CTDSPL: variants seen among roughly 807,000 people sequenced by gnomAD.
CTDSPL encodes the protein CTD small phosphatase like.
CTDSPL carries 8 observed loss-of-function variants against 30.5 expected under a neutral mutation model. That is an observed-to-expected ratio of 0.26 (90% CI 0.15 to 0.47). The LOEUF (loss-of-function observed/expected upper bound fraction) is 0.47, where lower values mean the gene tolerates loss of function less well. CTDSPL is among the 20% of genes least tolerant of loss of function. The pLI is 0.99. For missense variants in CTDSPL, 248 were observed against 366.1 expected (o/e 0.68, Z 2.63); for synonymous variants, 110 against 137.9 (o/e 0.80, Z 1.42).
intron 1 of CTDSPL, among the ~76,000 whole-genome samples, chr3:37,898,498 G>A (rs1176216085): frequency 1.3e-5 from 2 of 152,118 alleles, no homozygotes; most frequent in East Asian, 3.9e-4. Context: ...GTTTAACCTA[G>A]CAATAGTAAT....
intron 5 of CTDSPL, 98 bp downstream of exon 5, chr3:37,967,980 T>G: frequency 1.2e-6 from 1 of 834,844 alleles, no homozygotes; most frequent in East Asian, 2.6e-5. Flanking sequence ...AGTAATAACT[T>G]TATTACGGAA....
chr3:37,914,873 CTTTTTTTTT>C (rs11304152), intron 1 of CTDSPL, among the ~76,000 whole-genome samples: 1 of 51,284 alleles, frequency 1.9e-5, no homozygotes, highest in Admixed American at 3.0e-4. Flanking sequence ...TATATATGTT[CTTTTTTTTT>C]TTTTTTTTTT....
intron 1 of CTDSPL, among the ~76,000 whole-genome samples, chr3:37,877,528 T>C (rs557055795): frequency 6.6e-6 from 1 of 152,242 alleles, no homozygotes; most frequent in Non-Finnish European, 1.5e-5. Context: ...CACTTCCATG[T>C]TTTCGTGATT....
rs1697942614 is a variant in CTDSPL, at chr3:37,861,888, C to T, written c.-312C>T. On this transcript the variant is annotated 5_prime_UTR_variant, in exon 1 of 8. Transcript: ENST00000273179. ...TCCCGCCCTCGCTCGCTCCTTCCCC[C>T]TCGCCCGCCCGCTCCCGCTTCCAGC... 7.2e-6 allele frequency: 1 copy of T among 139,376 alleles called. No individual in the cohort carries two copies. The highest frequency in any genetic ancestry group is 1.6e-5 in the Non-Finnish European group (1 of 63,296). The allele number at this position is 139,376 out of a possible 1,614,324, so 8.6% of individuals were successfully genotyped here.
chr3:37,935,405 C>T (rs1260340378), intron 1 of CTDSPL, among the ~76,000 whole-genome samples: 2 of 152,002 alleles, frequency 1.3e-5, no homozygotes, highest in African/African-American at 4.8e-5. Flanking sequence ...CTCTTAAGTG[C>T]ATTATCTGTT....
At chr3:37,874,137 C>T (rs1356248645) in intron 1 of CTDSPL, among the ~76,000 whole-genome samples, 2 of 152,144 alleles carry the variant, frequency 1.3e-5, no homozygotes, top group African/African-American at 4.8e-5. Context: ...GAAGAGTTTG[C>T]TTCCAGTCTG....
chr3:37,919,968 TC>T (rs1698694669), intron 1 of CTDSPL, among the ~76,000 whole-genome samples: 2 of 152,178 alleles, frequency 1.3e-5, no homozygotes, highest in Non-Finnish European at 2.9e-5. Flanking sequence ...CTTCTCTTAG[TC>T]TCTGATGGGG....
At chr3:37,973,181 A>G (rs1699386336) in intron 6 of CTDSPL, among the ~76,000 whole-genome samples, 1 of 152,242 alleles carries the variant, frequency 6.6e-6, no homozygotes, top group Non-Finnish European at 1.5e-5. Flanking sequence ...GGGAAAATAG[A>G]GTCTTCCCCA....
chr3:37,935,796 A>G (rs1698908067), intron 1 of CTDSPL, among the ~76,000 whole-genome samples: 1 of 152,162 alleles, frequency 6.6e-6, no homozygotes, highest in Admixed American at 6.6e-5. Context: ...GAGTTTCTCT[A>G]TGGAAATTAG....
Position 37,862,773 on chromosome 3 carries a change from C to T in CTDSPL, c.79+495C>T, listed in dbSNP as rs925407670. ...TGTGTGTATTAGAGGTTTGTATGGGCCTGACTGAGGGGTTGTGGAATGTGT... is the reference window on the plus strand; with the variant it reads ...TGTGTGTATTAGAGGTTTGTATGGGTCTGACTGAGGGGTTGTGGAATGTGT... On this transcript the variant is annotated intron_variant, in intron 1 of 7. Coordinates refer to ENST00000273179, the MANE Select transcript of CTDSPL (RefSeq NM_001008392.2). This position sits in a 1 kb window ranked among gnomAD's most constrained non-coding sequence, Gnocchi z 4.3. 6.6e-6 allele frequency among the ~76,000 whole-genome samples: 1 copy of T among 152,126 alleles called. No homozygotes were observed. Among genetic ancestry groups the T allele is most frequent in the African/African-American group, 2.4e-5 (1 of 41,420 alleles).
At chr3:37,874,753 TA>T (rs1201270289) in intron 1 of CTDSPL, among the ~76,000 whole-genome samples, 1 of 151,580 alleles carries the variant, frequency 6.6e-6, no homozygotes, top group African/African-American at 2.4e-5. Context: ...ATAATAATAA[TA>T]AATAAATACA....
intron 1 of CTDSPL, among the ~76,000 whole-genome samples, chr3:37,922,886 C>A (rs958563899): frequency 6.6e-6 from 1 of 152,180 alleles, no homozygotes; most frequent in African/African-American, 2.4e-5. Flanking sequence ...GGCTCAGAGC[C>A]CACAGGCTTG....
intron 1 of CTDSPL, among the ~76,000 whole-genome samples, chr3:37,927,660 G>A (rs1698797350): frequency 7.3e-6 from 1 of 136,632 alleles, no homozygotes; most frequent in South Asian, 2.2e-4. Flanking sequence ...GTGTGTGTGT[G>A]TGTGTGTGTG....
At chr3:37,869,214 C>T (rs948014951) in intron 1 of CTDSPL, among the ~76,000 whole-genome samples, 3 of 151,972 alleles carry the variant, frequency 2.0e-5, no homozygotes, top group East Asian at 3.8e-4. Context: ...AAACACATTG[C>T]GTAGTGATCA....
intron 1 of CTDSPL, among the ~76,000 whole-genome samples, chr3:37,927,666 G>GTA (rs1553684185): frequency 1.7e-3 from 231 of 134,270 alleles, no homozygotes; most frequent in Non-Finnish European, 2.8e-3. Flanking sequence ...GTGTGTGTGT[G>GTA]TGTGTGTGTG....
At chr3:37,875,622 A>G (rs1264324717) in intron 1 of CTDSPL, among the ~76,000 whole-genome samples, 1 of 152,216 alleles carries the variant, frequency 6.6e-6, no homozygotes, top group Non-Finnish European at 1.5e-5. Flanking sequence ...ATTCTGATCA[A>G]GATTTAGCTC....
intron 6 of CTDSPL, among the ~76,000 whole-genome samples, chr3:37,974,905 C>T (rs928509160): frequency 6.6e-6 from 1 of 152,178 alleles, no homozygotes; most frequent in Non-Finnish European, 1.5e-5. Flanking sequence ...TTACTGAGCC[C>T]CTCTTGTGGT....
At chr3:37,977,596 T>C (rs1699443318) in intron 7 of CTDSPL, among the ~76,000 whole-genome samples, 1 of 150,704 alleles carries the variant, frequency 6.6e-6, no homozygotes, top group South Asian at 2.1e-4. Flanking sequence ...TTTGCAAGAA[T>C]ATATCATAGA....
Position 37,918,268 on chromosome 3 carries a change from C to G in CTDSPL, c.80-28789C>G, listed in dbSNP as rs79919256. On this transcript the variant is annotated intron_variant, in intron 1 of 7. Transcript: ENST00000273179. ...CAACTTTATTAAAGAACTCAAAAAT[C>G]TATCTAGTATCAGGAAATTCTGCAA... Among the ~76,000 whole-genome samples, 672 of 152,150 alleles carry G rather than the reference C, an allele frequency of 4.4e-3. 4 individuals carry two copies. The highest frequency in any genetic ancestry group is 0.015 in the African/African-American group (642 of 41,488).
Sources: gnomAD v4.1 joint callset for allele counts (sites outside exome capture counted in the v4.1 genomes callset) on GRCh38, gnomAD v4.1.1 for gene constraint, Gnocchi (gnomAD v3.1) non-coding constraint, MANE v1.5 for transcripts, NCBI Gene and HGNC (gene_info 2026-07-23, HGNC 2026-07-21) for gene names.